Variants in IKZF3 observed in about 807,000 individuals in gnomAD.
The protein encoded by IKZF3 is zinc finger protein Aiolos.
A neutral mutation model predicts 49.0 loss-of-function variants in IKZF3; 10 were observed. The ratio of observed to expected loss-of-function variants is 0.20; its 90% CI spans 0.13 to 0.35. IKZF3 has a LOEUF of 0.35. Ranked by LOEUF, IKZF3 falls within the 10% of genes least tolerant of loss-of-function variation. The probability of loss-of-function intolerance (pLI) is 1.00; values close to 1 mark genes in which losing one functional copy is unlikely to be tolerated. For missense variants in IKZF3, 498 were observed against 664.8 expected (o/e 0.75, Z 2.76); for synonymous variants, 209 against 228.2 (o/e 0.92, Z 0.76).
chr17:39,786,484 A>G (rs1268071746), intron 6 of IKZF3, among the ~76,000 whole-genome samples: 1 of 152,224 alleles, frequency 6.6e-6, no homozygotes, highest in African/African-American at 2.4e-5. Flanking sequence ...AGATGCCTAC[A>G]TTCCGTCCTT....
intron 1 of IKZF3, chr17:39,836,219 T>C (rs1224968816): frequency 7.9e-6 from 5 of 635,260 alleles, no homozygotes; most frequent in Non-Finnish European, 1.4e-5. Flanking sequence ...ATGCCTCCTA[T>C]AACCACCAGC....
In IKZF3 at chr17:39,794,305, C is replaced by T. The variant is rs149706215; in HGVS notation, c.164-1372G>A. On this transcript the variant is annotated intron_variant, in intron 3 of 7. Transcript: ENST00000346872. ...GGGTTCTTACCAACTGTATTACACA[C>T]CCTCCCATCAATGGTGTAAATGTTA... Among the ~76,000 whole-genome samples, 191 of 152,316 alleles carry T rather than the reference C, an allele frequency of 1.3e-3. 1 individual carries two copies. The highest frequency in any genetic ancestry group is 2.0e-3 in the Non-Finnish European group (134 of 68,018).
intron 1 of IKZF3, among the ~76,000 whole-genome samples, chr17:39,852,320 C>T (rs929674763): frequency 6.6e-6 from 1 of 152,124 alleles, no homozygotes; most frequent in African/African-American, 2.4e-5. Context: ...TACTCCCATT[C>T]CCACTCTACC....
At chr17:39,823,802 C>G (rs2061878074) in intron 3 of IKZF3, among the ~76,000 whole-genome samples, 2 of 152,244 alleles carry the variant, frequency 1.3e-5, no homozygotes, top group African/African-American at 4.8e-5. Flanking sequence ...TTGGGAACCT[C>G]TGCTTAGATT....
intron 7 of IKZF3, among the ~76,000 whole-genome samples, chr17:39,772,102 A>C (rs1210990536): frequency 6.6e-6 from 1 of 152,068 alleles, no homozygotes; most frequent in Non-Finnish European, 1.5e-5. Flanking sequence ...CAAGAGTGAG[A>C]TATTACACAG....
At chr17:39,824,323 T>A (rs2061898914) in intron 3 of IKZF3, among the ~76,000 whole-genome samples, 1 of 152,174 alleles carries the variant, frequency 6.6e-6, no homozygotes, top group Admixed American at 6.5e-5. Context: ...CTCCATTGTA[T>A]CTGGGAAGTA....
chr17:39,828,927 G>A (rs1313946087), intron 3 of IKZF3, among the ~76,000 whole-genome samples: 1 of 152,066 alleles, frequency 6.6e-6, no homozygotes, highest in Non-Finnish European at 1.5e-5. Flanking sequence ...CTAAAACATG[G>A]GAGGCGGAGG....
At chr17:39,819,498 T>G (rs2061753801) in intron 3 of IKZF3, among the ~76,000 whole-genome samples, 1 of 152,034 alleles carries the variant, frequency 6.6e-6, no homozygotes, top group Admixed American at 6.6e-5. Context: ...CCACATCCTG[T>G]GCCAGGCAGC....
chr17:39,793,053 A>G lies in IKZF3; in HGVS notation c.164-120T>C. 7.1e-6 allele frequency: 7 copies of G among 984,890 alleles called. No individual in the cohort carries two copies. The South Asian group carries it at 1.1e-4, about 16-fold the overall frequency. 61.0% of individuals were successfully genotyped at this position (984,890 alleles called of 1,614,324 possible). A position where few individuals can be genotyped will look rare whatever the true frequency, so the allele number is the denominator to read the frequency against. Reference sequence around the variant, plus strand: ...CCAATCGAAGCTAACAAAACACTGTACATCTACAAAACAAGAAAGCACCAT... The same window carrying G: ...CCAATCGAAGCTAACAAAACACTGTGCATCTACAAAACAAGAAAGCACCAT... On this transcript the variant is annotated intron_variant, in intron 3 of 7. Transcript: ENST00000346872.
chr17:39,834,700 TTTTC>T (rs1191389380), intron 1 of IKZF3, among the ~76,000 whole-genome samples: 9 of 152,154 alleles, frequency 5.9e-5, no homozygotes, highest in Non-Finnish European at 1.3e-4. Flanking sequence ...TTTTTGTTGG[TTTTC>T]TTTGTTTGTT....
rs1015084706 is a variant in IKZF3, at chr17:39,765,703, T to C, written c.*87A>G. 2.0e-6 allele frequency: 2 copies of C among 1,003,584 alleles called. No homozygotes were observed. The highest frequency in any genetic ancestry group is 3.0e-6 in the Non-Finnish European group (2 of 670,268). The allele number at this position is 1,003,584 out of a possible 1,614,324, so 62.2% of individuals were successfully genotyped here. A position where few individuals can be genotyped will look rare whatever the true frequency, so the allele number is the denominator to read the frequency against. On this transcript the variant is annotated 3_prime_UTR_variant, in exon 8 of 8. Coordinates refer to ENST00000346872, the MANE Select transcript of IKZF3 (RefSeq NM_012481.5). ...GTATGAAAAGAAGTTTGGAACTGAG[T>C]ATGTTTTGAGAGCAATCTGTTAGGC...
rs548953038 is a variant in IKZF3, at chr17:39,831,887, G to A, written c.61+211C>T. Among the ~76,000 whole-genome samples the A allele has an allele frequency of 4.6e-5, 7 of 152,182 alleles. No homozygotes were observed. In the South Asian group the frequency reaches 1.2e-3, roughly 27 times the overall value. ...AACAAACAAACAGTGATCAACATTA[G>A]GTAGTGTATGTTTGGCCCTAAGATG... On this transcript the variant is annotated intron_variant, in intron 2 of 7. Coordinates refer to ENST00000346872, the MANE Select transcript of IKZF3 (RefSeq NM_012481.5).
At chr17:39,813,518 A>G (rs546136460) in intron 3 of IKZF3, among the ~76,000 whole-genome samples, 2 of 151,866 alleles carry the variant, frequency 1.3e-5, no homozygotes, top group South Asian at 4.2e-4. Context: ...GTGGCATGCA[A>G]CTGTAGTCAC....
At chr17:39,784,635 C>T (rs979706509) in intron 6 of IKZF3, among the ~76,000 whole-genome samples, 1 of 152,220 alleles carries the variant, frequency 6.6e-6, no homozygotes, top group African/African-American at 2.4e-5. Context: ...ATCTCTTGAC[C>T]TTGTGATCCG....
At chr17:39,783,610 G>A (rs1323479431) in intron 6 of IKZF3, among the ~76,000 whole-genome samples, 3 of 152,302 alleles carry the variant, frequency 2.0e-5, no homozygotes, top group East Asian at 1.9e-4. Flanking sequence ...GTGAGCCACC[G>A]CGCCCGGCCA....
chr17:39,778,099 G>A (rs2060636782), intron 6 of IKZF3: 1 of 1,012,320 alleles, frequency 9.9e-7, no homozygotes, highest in African/African-American at 1.7e-5. Context: ...CCCCCGATCA[G>A]CCTTCTTTCT....
At chr17:39,834,807 T>C (rs1469376090) in intron 1 of IKZF3, among the ~76,000 whole-genome samples, 1 of 151,844 alleles carries the variant, frequency 6.6e-6, no homozygotes, top group Non-Finnish European at 1.5e-5. Context: ...GCAAGGGGGG[T>C]ATCCCAGGCA....
chr17:39,790,557 CT>C (rs1786825339), intron 5 of IKZF3, among the ~76,000 whole-genome samples: 1 of 151,962 alleles, frequency 6.6e-6, no homozygotes, highest in Non-Finnish European at 1.5e-5. Flanking sequence ...AAAAACAAGC[CT>C]TTTTTTCCAA....
At chr17:39,784,514 C>T (rs550645856) in intron 6 of IKZF3, among the ~76,000 whole-genome samples, 27 of 152,220 alleles carry the variant, frequency 1.8e-4, no homozygotes, top group Admixed American at 1.0e-3. Context: ...AGCAATTCTC[C>T]TGCCTCAGCC....
Sources: gnomAD v4.1 joint callset for allele counts (sites outside exome capture counted in the v4.1 genomes callset) on GRCh38, gnomAD v4.1.1 for gene constraint, MANE v1.5 for transcripts, NCBI Gene and HGNC (gene_info 2026-07-23, HGNC 2026-07-21) for gene names.